The following USP8 variants were observed in gnomAD, a reference collection of about 807,000 sequenced individuals.
USP8 encodes the protein ubiquitin carboxyl-terminal hydrolase 8.
USP8 carries 27 observed loss-of-function variants against 130.0 expected under a neutral mutation model. The observed-to-expected ratio is 0.21, with a 90% CI of 0.15 to 0.29. The LOEUF is 0.29. USP8 is among the 10% of genes least tolerant of loss of function. USP8 has a pLI of 1.00. For synonymous variants in USP8, 392 were observed against 444.1 expected (o/e 0.88, Z 1.48); for missense variants, 1,029 against 1,312.2 (o/e 0.78, Z 3.33).
chr15:50,433,939 T>C (rs899479458), intron 1 of USP8, among the ~76,000 whole-genome samples: 2 of 152,112 alleles, frequency 1.3e-5, no homozygotes, highest in African/African-American at 2.4e-5. Flanking sequence ...TTCAACACTT[T>C]TGGGTTTCAC....
chr15:50,472,172 A>G (rs1182419485), intron 8 of USP8, among the ~76,000 whole-genome samples: 4 of 151,774 alleles, frequency 2.6e-5, no homozygotes, highest in Non-Finnish European at 5.9e-5. Flanking sequence ...AAGTGCTGGG[A>G]TTACAGGCTT....
At chr15:50,434,303 A>G (rs2050030523) in intron 1 of USP8, among the ~76,000 whole-genome samples, 2 of 151,612 alleles carry the variant, frequency 1.3e-5, no homozygotes, top group African/African-American at 2.4e-5. Context: ...AGGTTTCACC[A>G]TGTTGGCCAG....
chr15:50,449,484 A>G lies in USP8; in HGVS notation c.334A>G (p.Arg112Gly). The change falls in exon 4 of 20, where the codon AGA becomes GGA. Residue 112 changes from arginine to glycine, a missense_variant and splice_region_variant. Arg to Gly is a moderately radical substitution (Grantham distance 125). Transcript: ENST00000307179. The part of the protein sequence containing the change: ...AERLSESLKL[R>G]YEEAEVRKKL... Reference sequence around the variant, plus strand: ...AAGACTCTCTGAAAGCCTTAAATTAAGGTACAGATATTATGAAATATTTAA... The same window carrying G: ...AAGACTCTCTGAAAGCCTTAAATTAGGGTACAGATATTATGAAATATTTAA... 1 of 1,549,678 alleles carries G rather than the reference A, an allele frequency of 6.5e-7. No homozygotes were observed. The highest frequency in any genetic ancestry group is 8.8e-7 in the Non-Finnish European group (1 of 1,142,698).
At chr15:50,495,372 G>T (rs562398066) in intron 16 of USP8, among the ~76,000 whole-genome samples, 2 of 150,752 alleles carry the variant, frequency 1.3e-5, no homozygotes, top group East Asian at 3.9e-4. Context: ...AGAGAGAGAG[G>T]CTAGGGCAAC....
chr15:50,458,574 T>C (rs1429146388), intron 4 of USP8: 1 of 162,634 alleles, frequency 6.1e-6, no homozygotes, highest in Non-Finnish European at 1.3e-5. Context: ...AAATGTAACT[T>C]GGGACCTTGG....
intron 1 of USP8, chr15:50,424,732 C>T (rs2049645640): frequency 2.7e-6 from 1 of 373,876 alleles, no homozygotes; most frequent in South Asian, 1.5e-4. Context: ...AAGCGAGTTT[C>T]GTGTGTTTTT....
At chr15:50,454,140 A>C (rs888369372) in intron 4 of USP8, among the ~76,000 whole-genome samples, 1 of 152,186 alleles carries the variant, frequency 6.6e-6, no homozygotes, top group African/African-American at 2.4e-5. Context: ...CTGCGATCAC[A>C]GGCGTGAGCT....
rs1595999146 is a variant in USP8 at position 50,499,725 on chromosome 15, T to A, written c.*637T>A. ...AAAAAAATGGAAACTTTAATTTTTTTAAAACGAGAATTTCATTTACAGCTA... is the reference window on the plus strand; with the variant it reads ...AAAAAAATGGAAACTTTAATTTTTTAAAAACGAGAATTTCATTTACAGCTA... On this transcript the variant is annotated 3_prime_UTR_variant, in exon 20 of 20. Transcript: ENST00000307179. The A allele has an allele frequency of 6.6e-6, 1 of 152,166 alleles. No individual in the cohort carries two copies. Among genetic ancestry groups the A allele is most frequent in the Non-Finnish European group, 1.5e-5 (1 of 68,036 alleles). 9.4% of individuals were successfully genotyped at this position (152,166 alleles called of 1,614,324 possible).
chr15:50,449,857 A>G (rs2050563434), intron 4 of USP8, among the ~76,000 whole-genome samples: 1 of 146,534 alleles, frequency 6.8e-6, no homozygotes, highest in Non-Finnish European at 1.5e-5. Context: ...CTGGGATTAC[A>G]GGTGTGGGCC....
At chr15:50,427,859 CTTT>C (rs879311184) in intron 1 of USP8, among the ~76,000 whole-genome samples, 1 of 138,190 alleles carries the variant, frequency 7.2e-6, no homozygotes, top group Admixed American at 7.3e-5. Context: ...ATACCTGGCC[CTTT>C]TTTTTTTTAA....
chr15:50,430,026 G>A (rs2049880423), intron 1 of USP8, among the ~76,000 whole-genome samples: 1 of 152,196 alleles, frequency 6.6e-6, no homozygotes, highest in African/African-American at 2.4e-5. Flanking sequence ...GGTTTGCTAA[G>A]TGCCTATATC....
At chr15:50,452,134 A>G (rs2050648062) in intron 4 of USP8, among the ~76,000 whole-genome samples, 1 of 152,234 alleles carries the variant, frequency 6.6e-6, no homozygotes, top group South Asian at 2.1e-4. Flanking sequence ...AGATTTCAGT[A>G]TCACCTGCCA....
intron 6 of USP8, 37 bp from the exon 7 acceptor site, chr15:50,465,010 G>A: frequency 1.2e-6 from 2 of 1,607,748 alleles, no homozygotes; most frequent in Non-Finnish European, 8.5e-7. Context: ...ATCTTGTGCT[G>A]TTTCTTGTCA....
rs956860379 is a variant in USP8 at position 50,510,447 on chromosome 15, T to G, written c.*11359T>G. 2.6e-5 allele frequency: 4 copies of G among 152,106 alleles called. No individual in the cohort carries two copies. Among genetic ancestry groups the G allele is most frequent in the African/African-American group, 9.7e-5 (4 of 41,416 alleles). 9.4% of individuals were successfully genotyped at this position (152,106 alleles called of 1,614,324 possible). On this transcript the variant is annotated 3_prime_UTR_variant, in exon 20 of 20. Coordinates refer to ENST00000307179, the MANE Select transcript of USP8 (RefSeq NM_005154.5). ...TGCAGTTTGTGAATTTTGGATGGAT[T>G]CTGGTCTTTGAAAAAAAATGCTACT...
chr15:50,435,865 T>G (rs1029865955), intron 1 of USP8, among the ~76,000 whole-genome samples: 1 of 152,214 alleles, frequency 6.6e-6, no homozygotes, highest in Admixed American at 6.5e-5. Flanking sequence ...AAATCTTTGG[T>G]GACATCGTAA....
At chr15:50,447,826 C>T (rs566426741) in intron 3 of USP8, among the ~76,000 whole-genome samples, 20 of 151,470 alleles carry the variant, frequency 1.3e-4, no homozygotes, top group Admixed American at 1.3e-3. Flanking sequence ...AGGTCTCAAA[C>T]TCCTGGGCTC....
At position 50,509,138 on chromosome 15, in the gene USP8, A is replaced by G. The variant is rs1438053594; in HGVS notation, c.*10050A>G. 7.3e-6 allele frequency: 1 copy of G among 136,762 alleles called. No individual in the cohort carries two copies. The highest frequency in any genetic ancestry group is 1.6e-5 in the Non-Finnish European group (1 of 62,374). The allele number at this position is 136,762 out of a possible 1,614,324, so 8.5% of individuals were successfully genotyped here. A position where few individuals can be genotyped will look rare whatever the true frequency, so the allele number is the denominator to read the frequency against. ...ACAGAGCGAGACTCCGTCACAAAAA[A>G]AAAAAAAAAAAAAAAAAAAAAAATT... On this transcript the variant is annotated 3_prime_UTR_variant, in exon 20 of 20. Transcript: ENST00000307179.
chr15:50,479,915 C>T (rs778610133), intron 10 of USP8, among the ~76,000 whole-genome samples: 2 of 152,016 alleles, frequency 1.3e-5, no homozygotes, highest in Non-Finnish European at 2.9e-5. Flanking sequence ...CATGCCACCA[C>T]GCCCAGCTAA....
chr15:50,497,290 T>C, intron 18 of USP8, 59 bp downstream of exon 18: 4 of 1,543,460 alleles, frequency 2.6e-6, no homozygotes, highest in African/African-American at 1.4e-5. Context: ...TTTTAAGTTC[T>C]GTGTAATTTA....
Sources: allele counts gnomAD v4.1 joint callset (sites outside exome capture counted in the v4.1 genomes callset), GRCh38; gene constraint gnomAD v4.1.1; transcripts MANE v1.5; gene names NCBI Gene and HGNC (gene_info 2026-07-23, HGNC 2026-07-21).